The following CPA3 variants were observed in gnomAD, a reference collection of about 807,000 sequenced individuals.
CPA3 encodes the protein carboxypeptidase A3, also known as mast cell carboxypeptidase A.
CPA3 carries 52 observed loss-of-function variants against 55.8 expected under a neutral mutation model. The ratio of observed to expected loss-of-function variants is 0.93; its 90% confidence interval spans 0.75 to 1.17. The LOEUF (loss-of-function observed/expected upper bound fraction) is 1.17, where lower values mean the gene tolerates loss of function less well. Ranked by LOEUF, CPA3 falls within the 50% of genes most tolerant of loss-of-function variation. The pLI is 0.00. For synonymous variants in CPA3, 179 were observed against 171.2 expected, an observed-to-expected ratio of 1.05 and a Z score of -0.36; for missense variants, 547 against 509.1, an observed-to-expected ratio of 1.07 and a Z score of -0.72.
At chr3:148,892,881 G>T (rs1714713124) in intron 10 of CPA3, among the ~76,000 whole-genome samples, 1 of 152,080 alleles carries the variant, frequency 6.6e-6, no homozygotes, top group Admixed American at 6.5e-5. Flanking sequence ...CTTGGACCTG[G>T]GAGGCAGAGG....
rs6764563 is a variant in CPA3 at position 148,884,135 on chromosome 3, C to T, written c.981+320C>T. Among the ~76,000 whole-genome samples, 452 of 152,180 alleles carry T rather than the reference C, an allele frequency of 3.0e-3. 2 individuals carry two copies. Among genetic ancestry groups the T allele is most frequent in the African/African-American group, 0.011 (441 of 41,530 alleles). On this transcript the variant is annotated intron_variant, in intron 9 of 10. Coordinates refer to ENST00000296046, the MANE Select transcript of CPA3 (RefSeq NM_001870.4). The stretch of plus-strand genomic sequence containing the variant: ...ATTTACCATGGGTTGTACGGTAAAA[C>T]CATGCACGGAAAAAGCCCAATAGAA...
intron 6 of CPA3, among the ~76,000 whole-genome samples, chr3:148,881,027 T>C (rs1015729959): frequency 5.9e-5 from 9 of 151,492 alleles, no homozygotes; most frequent in African/African-American, 1.5e-4. Context: ...CAGTCAGATA[T>C]AGAAAAAAAA....
intron 9 of CPA3, 59 bp downstream of exon 9, chr3:148,883,874 T>G (rs1238034649): frequency 4.0e-6 from 5 of 1,258,266 alleles, no homozygotes; most frequent in Non-Finnish European, 5.8e-6. Flanking sequence ...TTCAGTCTGT[T>G]CTTCATTAAC....
chr3:148,883,544 C>T (rs1714431050), intron 8 of CPA3, 69 bp from the exon 9 acceptor site: 6 of 1,246,938 alleles, frequency 4.8e-6, no homozygotes, highest in Non-Finnish European at 7.0e-6. Context: ...ATCTATAATA[C>T]ATTAGAAGAG....
At chr3:148,867,076 T>C (rs1231985830) in intron 2 of CPA3, among the ~76,000 whole-genome samples, 1 of 152,156 alleles carries the variant, frequency 6.6e-6, no homozygotes, top group Non-Finnish European at 1.5e-5. Context: ...TCTTTTGGTA[T>C]TGGTATAGCA....
At chr3:148,865,410 A>G (rs1452868614) in intron 1 of CPA3, 35 bp downstream of exon 1, 1 of 1,612,894 alleles carries the variant, frequency 6.2e-7, no homozygotes, top group Non-Finnish European at 8.5e-7. Context: ...GTCTCTGTGT[A>G]GAAGAGAATT....
At chr3:148,893,711 A>C (rs1188281911) in intron 10 of CPA3, among the ~76,000 whole-genome samples, 1 of 152,234 alleles carries the variant, frequency 6.6e-6, no homozygotes, top group Non-Finnish European at 1.5e-5. Flanking sequence ...ACCCAGAGAA[A>C]CTCACATCAA....
rs1714124338 is a variant in CPA3, at chr3:148,873,401, C to CT, written c.269+4362_269+4363insT. On this transcript the variant is annotated intron_variant, in intron 3 of 10. Coordinates refer to ENST00000296046, the MANE Select transcript of CPA3 (RefSeq NM_001870.4). ...CGCACACACACACACACACACACAC[C>CT]CCAGAGCCTACGATAGTCACATATA... Among the ~76,000 whole-genome samples, 3 of 145,478 alleles carry CT rather than the reference C, an allele frequency of 2.1e-5. No homozygotes were observed. The Admixed American group carries it at 2.1e-4, about 10-fold the overall frequency.
intron 3 of CPA3, among the ~76,000 whole-genome samples, chr3:148,874,184 A>T (rs1379735234): frequency 6.6e-6 from 1 of 151,882 alleles, no homozygotes; most frequent in Non-Finnish European, 1.5e-5. Flanking sequence ...TTGTACTTCA[A>T]CTCACACTGT....
rs1713988666 is a variant in CPA3 at position 148,869,036 on chromosome 3, A to G, written c.266A>G (p.Tyr89Cys). Residue 89 changes from tyrosine (Y) to cysteine (C), a missense_variant, in exon 3 of 11, where the codon TAT becomes TGT. Coordinates refer to ENST00000296046, the MANE Select transcript of CPA3 (RefSeq NM_001870.4). The part of the protein sequence containing the change: ...QSALDQNKMH[Y>C]EILIHDLQEE... ...GCCTTGGATCAAAATAAAATGCACT[A>G]TGAGTAAGTCCTTGGCAAATATTGA... 5 of 1,613,522 alleles carry G rather than the reference A, an allele frequency of 3.1e-6. No homozygotes were observed. Among genetic ancestry groups the G allele is most frequent in the African/African-American group, 1.3e-5 (1 of 74,932 alleles).
intron 10 of CPA3, among the ~76,000 whole-genome samples, chr3:148,888,503 T>G (rs1714590118): frequency 6.6e-6 from 1 of 152,230 alleles, no homozygotes; most frequent in South Asian, 2.1e-4. Flanking sequence ...AAATACATGT[T>G]ATGTACCCAG....
intron 3 of CPA3, among the ~76,000 whole-genome samples, chr3:148,872,838 G>A (rs575354032): frequency 5.9e-5 from 9 of 152,248 alleles, no homozygotes; most frequent in East Asian, 1.9e-4. Context: ...CTGAAGCAAC[G>A]CTGTCTGGGT....
Position 148,881,532 on chromosome 3 carries a change from C to T in CPA3, c.587C>T (p.Thr196Ile). ...CQWFVYQATK[T>I]YGRNKIMTKL... ...TTTCACCTCCGACAGGCAACCAAAA[C>T]TTATGGGAGAAACAAAATTATGACC... is the stretch of plus-strand genomic sequence containing the variant. Residue 196 changes from threonine to isoleucine, a missense_variant, in exon 7 of 11, where the codon ACT becomes ATT. Coordinates refer to ENST00000296046, the MANE Select transcript of CPA3 (RefSeq NM_001870.4). 1.2e-6 allele frequency: 2 copies of T among 1,610,464 alleles called. No homozygotes were observed. The highest frequency in any genetic ancestry group is 1.7e-6 in the Non-Finnish European group (2 of 1,177,930).
intron 4 of CPA3, 44 bp downstream of exon 4, chr3:148,878,587 T>A (rs1481359930): frequency 1.3e-6 from 2 of 1,562,386 alleles, no homozygotes; most frequent in East Asian, 2.2e-5. Flanking sequence ...TTACCCTTAA[T>A]ATTTATTGTC....
At position 148,865,359 on chromosome 3, in the gene CPA3, C is replaced by A. The variant is rs1457666944; in HGVS notation, c.52C>A (p.Pro18Thr). 1 of 1,613,956 alleles carries A rather than the reference C, an allele frequency of 6.2e-7. No homozygotes were observed. Among genetic ancestry groups the A allele is most frequent in the South Asian group, 1.1e-5 (1 of 91,080 alleles). The change falls in exon 1 of 11, where the codon CCT (proline) becomes ACT (threonine). Residue 18 changes from proline (P) to threonine (T), a missense_variant. Pro to Thr is a conservative substitution (Grantham distance 38). Coordinates refer to ENST00000296046, the MANE Select transcript of CPA3 (RefSeq NM_001870.4). ...GLIATTLAIA[P>T]VRFDREKVFR... ...GATTGCTACCACTCTTGCAATTGCT[C>A]CTGTCCGCTTTGACAGGTAAATCTT...
intron 6 of CPA3, 67 bp from the exon 7 acceptor site, chr3:148,881,455 A>C: frequency 1.1e-6 from 1 of 931,344 alleles, no homozygotes; most frequent in Non-Finnish European, 1.7e-6. Flanking sequence ...TTACTATTAT[A>C]ACCACAGCTT....
intron 10 of CPA3, among the ~76,000 whole-genome samples, chr3:148,892,413 G>T (rs895239454): frequency 1.3e-5 from 2 of 152,108 alleles, no homozygotes; most frequent in Admixed American, 1.3e-4. Flanking sequence ...AGCACTTTGG[G>T]AGGCCAAGGT....
rs751830747 is a variant in CPA3 at position 148,865,318 on chromosome 3, T to A, written c.11T>A (p.Ile4Asn). Residue 4 changes from isoleucine to asparagine, a missense_variant, in exon 1 of 11, where the codon ATC becomes AAC. Ile to Asn is a moderately radical substitution (Grantham distance 149, BLOSUM62 -3). Coordinates refer to ENST00000296046, the MANE Select transcript of CPA3 (RefSeq NM_001870.4). Reference protein sequence around the residue: MRLILPVGLIATTL... With the variant: MRLNLPVGLIATTL... ...AGGCAAAGAAGAACCATGAGGCTCA[T>A]CCTGCCTGTGGGTTTGATTGCTACC... The A allele has an allele frequency of 6.2e-7, 1 of 1,614,028 alleles. No homozygotes were observed. Among genetic ancestry groups the A allele is most frequent in the African/African-American group, 1.3e-5 (1 of 74,932 alleles).
rs892272831 is a variant in CPA3, at chr3:148,896,807, C to T, written c.*100C>T. The T allele has an allele frequency of 1.1e-4, 105 of 977,120 alleles. 1 individual carries two copies. The highest frequency in any genetic ancestry group is 1.5e-4 in the Non-Finnish European group (104 of 691,310). 60.5% of individuals were successfully genotyped at this position (977,120 alleles called of 1,614,324 possible). On this transcript the variant is annotated 3_prime_UTR_variant, in exon 11 of 11. Coordinates refer to ENST00000296046, the MANE Select transcript of CPA3 (RefSeq NM_001870.4). ...TCCCCAAATGCAGCTTCTATTTCAC[C>T]TGAATCCTTCTCTTGCTCATTTAAG...
Sources: gnomAD v4.1 joint callset for allele counts (sites outside exome capture counted in the v4.1 genomes callset) on GRCh38, gnomAD v4.1.1 for gene constraint, MANE v1.5 for transcripts, NCBI Gene and HGNC (gene_info 2026-07-23, HGNC 2026-07-21) for gene names.